The following SLC24A2 variants were observed in gnomAD, a reference collection of about 807,000 sequenced individuals.
SLC24A2 encodes the protein solute carrier family 24 member 2.
Under a neutral mutation model 62.0 loss-of-function variants are expected in SLC24A2, and 36 were observed. That is an observed-to-expected ratio of 0.58 (90% CI 0.44 to 0.77). The LOEUF (loss-of-function observed/expected upper bound fraction) is 0.77. Among genes scored for constraint, SLC24A2 ranks in the 30% least tolerant of loss-of-function variants. SLC24A2 has a pLI of 0.00. For synonymous variants in SLC24A2, 358 were observed against 294.0 expected, an observed-to-expected ratio of 1.22 and a Z score of -2.23; for missense variants, 846 against 817.9, an observed-to-expected ratio of 1.03 and a Z score of -0.42.
the SLC24A2 span, among the ~76,000 whole-genome samples, chr9:19,959,522 GA>G: frequency 1.3e-5 from 2 of 152,126 alleles, no homozygotes; most frequent in Non-Finnish European, 2.9e-5. Flanking sequence ...CCTACCTTTT[GA>G]AAACTCTTAC....
intron 8 of SLC24A2, among the ~76,000 whole-genome samples, chr9:19,541,404 T>C (rs1834247694): frequency 6.6e-6 from 1 of 151,804 alleles, no homozygotes; most frequent in Non-Finnish European, 1.5e-5. Context: ...TCCTTTCTGG[T>C]CGTTAGTTTT....
At chr9:20,034,056 T>C in the SLC24A2 span, among the ~76,000 whole-genome samples, 1 of 152,156 alleles carries the variant, frequency 6.6e-6, no homozygotes, top group Admixed American at 6.5e-5. Flanking sequence ...GAGGACAAAG[T>C]TGACCAAAGA....
At chr9:19,647,294 C>T (rs1266324498) in intron 2 of SLC24A2, among the ~76,000 whole-genome samples, 1 of 152,170 alleles carries the variant, frequency 6.6e-6, no homozygotes, top group African/African-American at 2.4e-5. Context: ...TACAACTCTT[C>T]AAAGCCACCC....
At chr9:19,962,913 T>C in the SLC24A2 span, among the ~76,000 whole-genome samples, 3 of 152,164 alleles carry the variant, frequency 2.0e-5, no homozygotes, top group Admixed American at 6.5e-5. Context: ...GGAGTGGTGA[T>C]AGAGGGCATC....
the SLC24A2 span, among the ~76,000 whole-genome samples, chr9:20,268,777 G>A: frequency 2.0e-5 from 3 of 152,174 alleles, no homozygotes; most frequent in African/African-American, 7.2e-5. Flanking sequence ...GGGCCTATTT[G>A]AATATACTCA....
chr9:19,839,623 G>A, the SLC24A2 span, among the ~76,000 whole-genome samples: 4 of 152,112 alleles, frequency 2.6e-5, no homozygotes, highest in Admixed American at 6.5e-5. Context: ...ATCTGAATTC[G>A]TTTGAAAGTG....
the SLC24A2 span, among the ~76,000 whole-genome samples, chr9:20,295,456 G>T: frequency 2.0e-5 from 3 of 152,124 alleles, no homozygotes; most frequent in Non-Finnish European, 4.4e-5. Context: ...ACAGAATTAA[G>T]GAATACCTAG....
the SLC24A2 span, among the ~76,000 whole-genome samples, chr9:19,854,211 C>G: frequency 2.2e-4 from 33 of 152,022 alleles, no homozygotes; most frequent in African/African-American, 8.0e-4. Flanking sequence ...ATCAGTCTAG[C>G]TAGCAGTCTA....
At chr9:19,821,658 A>T in the SLC24A2 span, among the ~76,000 whole-genome samples, 12 of 152,104 alleles carry the variant, frequency 7.9e-5, no homozygotes, top group African/African-American at 2.9e-4. Flanking sequence ...TTAGATCAGA[A>T]TTTTTAAATG....
chr9:20,185,711 C>T, the SLC24A2 span, among the ~76,000 whole-genome samples: 1 of 151,938 alleles, frequency 6.6e-6, no homozygotes, highest in Admixed American at 6.6e-5. Flanking sequence ...TACTCAGCCC[C>T]CAACCTCAGA....
At chr9:20,102,541 T>C in the SLC24A2 span, among the ~76,000 whole-genome samples, 1 of 151,878 alleles carries the variant, frequency 6.6e-6, no homozygotes, top group African/African-American at 2.4e-5. Context: ...ATACCTAATG[T>C]AGATGACGGG....
Position 19,509,376 on chromosome 9 carries a change from T to C in SLC24A2, c.*6777A>G, listed in dbSNP as rs552972093. On this transcript the variant is annotated 3_prime_UTR_variant, in exon 11 of 11. Coordinates refer to ENST00000341998, the MANE Select transcript of SLC24A2 (RefSeq NM_020344.4). ...GGATTGCCTAGAACAATAATTGTAG[T>C]TAATAAAAAATAGAACAGATAAACT... 1 of 152,256 alleles carries C rather than the reference T, an allele frequency of 6.6e-6. No homozygotes were observed. Among genetic ancestry groups the C allele is most frequent in the South Asian group, 2.1e-4 (1 of 4,822 alleles). The allele number at this position is 152,256 out of a possible 1,614,324, so 9.4% of individuals were successfully genotyped here. A position where few individuals can be genotyped will look rare whatever the true frequency, so the allele number is the denominator to read the frequency against.
chr9:20,111,699 A>T, the SLC24A2 span, among the ~76,000 whole-genome samples: 1 of 152,146 alleles, frequency 6.6e-6, no homozygotes, highest in Non-Finnish European at 1.5e-5. Context: ...TGGACATTAA[A>T]GTTTGAAAAG....
At chr9:19,746,881 T>G (rs1040956342) in intron 2 of SLC24A2, among the ~76,000 whole-genome samples, 1 of 152,152 alleles carries the variant, frequency 6.6e-6, no homozygotes, top group Non-Finnish European at 1.5e-5. Flanking sequence ...GTCCCTAACC[T>G]GCTAGATCTG....
At chr9:19,954,587 ATT>A in the SLC24A2 span, among the ~76,000 whole-genome samples, 1 of 148,090 alleles carries the variant, frequency 6.8e-6, no homozygotes. Flanking sequence ...CTTCCGCCAG[ATT>A]TTTTTTTTTT....
chr9:20,145,655 G>A, the SLC24A2 span, among the ~76,000 whole-genome samples: 3 of 150,476 alleles, frequency 2.0e-5, no homozygotes, highest in African/African-American at 4.9e-5. Flanking sequence ...ACAGGAAGAG[G>A]CAAAAGTCCC....
chr9:19,850,994 TATATATAC>T, the SLC24A2 span, among the ~76,000 whole-genome samples: 12 of 48,348 alleles, frequency 2.5e-4, no homozygotes, highest in African/African-American at 7.0e-4. Context: ...TGTATATATA[TATATATAC>T]ACATACATAT....
At chr9:19,836,772 C>T in the SLC24A2 span, among the ~76,000 whole-genome samples, 1 of 152,052 alleles carries the variant, frequency 6.6e-6, no homozygotes, top group Non-Finnish European at 1.5e-5. Context: ...AGAGACACAA[C>T]CAAAAAAGAG....
intron 4 of SLC24A2, among the ~76,000 whole-genome samples, chr9:19,603,988 T>C (rs902167204): frequency 6.6e-6 from 1 of 152,222 alleles, no homozygotes. Context: ...TTATCAAATG[T>C]ACCTTAACCT....
Sources: allele counts gnomAD v4.1 joint callset (sites outside exome capture counted in the v4.1 genomes callset), GRCh38; gene constraint gnomAD v4.1.1; transcripts MANE v1.5; gene names NCBI Gene and HGNC (gene_info 2026-07-23, HGNC 2026-07-21).